ERC1: variants seen among roughly 807,000 people sequenced by gnomAD.
ERC1 encodes ELKS/RAB6-interacting/CAST family member 1.
Under a neutral mutation model 132.0 loss-of-function variants are expected in ERC1, and 56 were observed. That is an observed-to-expected ratio of 0.42 (90% CI 0.34 to 0.53). The LOEUF (loss-of-function observed/expected upper bound fraction) is 0.53. ERC1 is among the 20% of genes least tolerant of loss of function. The pLI is 0.03. For missense variants in ERC1, 1,202 were observed against 1,349.9 expected (o/e 0.89, Z 1.72); for synonymous variants, 478 against 476.1 (o/e 1.00, Z -0.05).
At chr12:1,297,889 T>A (rs1384997203) in intron 15 of ERC1, among the ~76,000 whole-genome samples, 1 of 152,128 alleles carries the variant, frequency 6.6e-6, no homozygotes, top group African/African-American at 2.4e-5. Flanking sequence ...TCCCAAAATA[T>A]TAGGAGGTAG....
chr12:1,485,534 T>G (rs2094201628), intron 18 of ERC1, among the ~76,000 whole-genome samples: 1 of 152,172 alleles, frequency 6.6e-6, no homozygotes, highest in Non-Finnish European at 1.5e-5. Context: ...TGGGTATTAT[T>G]TTTGTGTTTG....
intron 15 of ERC1, among the ~76,000 whole-genome samples, chr12:1,361,425 AT>A (rs1238697187): frequency 2.0e-5 from 3 of 152,132 alleles, no homozygotes; most frequent in East Asian, 1.9e-4. Context: ...ACATAAAAAA[AT>A]AAAAATTAAA....
rs1339203517 is a variant in ERC1 at position 1,093,979 on chromosome 12, A to ATATATATATATATATATT, written c.1086+10405_1086+10406insTATATATATATTTATATA. On this transcript the variant is annotated intron_variant, in intron 3 of 18. Transcript: ENST00000360905. ...TTTCTATATATATATATATATATAT[A>ATATATATATATATATATT]TATATAGAAAAACATAGAAAATGAA... 2.3e-5 allele frequency among the ~76,000 whole-genome samples: 3 copies of ATATATATATATATATATT among 127,698 alleles called. No homozygotes were observed. The East Asian group carries it at 6.8e-4, about 29-fold the overall frequency. The allele number at this position is 127,698 out of a possible 152,430, so 83.8% of individuals were successfully genotyped here. A position where few individuals can be genotyped will look rare whatever the true frequency, so the allele number is the denominator to read the frequency against.
rs751354720 is a variant in ERC1, at chr12:1,182,065, G to A, written c.2016G>A (p.Glu672=). 6.2e-7 allele frequency: 1 copy of A among 1,613,158 alleles called. No individual in the cohort carries two copies. Among genetic ancestry groups the A allele is most frequent in the African/African-American group, 1.3e-5 (1 of 74,782 alleles). ...SLLQGDLSEK[E]ASLLDLKEHA... ...TGCAAGGCGACCTTTCAGAGAAAGA[G>A]GTTAAGCTCCCCAAAATGGAATTAG... The change falls in exon 10 of 19, where the codon GAG becomes GAA. Residue 672 remains glutamate (E), a splice_region_variant and synonymous_variant. Transcript: ENST00000360905.
intron 15 of ERC1, among the ~76,000 whole-genome samples, chr12:1,315,471 C>G (rs1356523403): frequency 6.6e-6 from 1 of 152,064 alleles, no homozygotes; most frequent in Admixed American, 6.6e-5. Flanking sequence ...CTGCCTCAGC[C>G]TCCCAAGTAT....
chr12:1,385,408 G>A (rs12308558), intron 16 of ERC1, among the ~76,000 whole-genome samples: 6 of 151,616 alleles, frequency 4.0e-5, no homozygotes, highest in Admixed American at 3.9e-4. Flanking sequence ...TCAGCCTCCC[G>A]AGTAGCTGGG....
chr12:1,307,327 T>C (rs2080957125), intron 15 of ERC1, among the ~76,000 whole-genome samples: 1 of 152,212 alleles, frequency 6.6e-6, no homozygotes, highest in African/African-American at 2.4e-5. Context: ...GCTGCCCACT[T>C]TGTGGTGTTG....
chr12:1,273,295 C>T (rs564316461), intron 14 of ERC1, among the ~76,000 whole-genome samples: 2 of 152,150 alleles, frequency 1.3e-5, no homozygotes, highest in African/African-American at 4.8e-5. Flanking sequence ...ACATGCATTT[C>T]CTATGTACTG....
chr12:1,409,983 A>C (rs1484225374), intron 17 of ERC1, among the ~76,000 whole-genome samples: 1 of 152,170 alleles, frequency 6.6e-6, no homozygotes, highest in African/African-American at 2.4e-5. Flanking sequence ...TGCTAGGATT[A>C]CAGGTATGAG....
chr12:1,167,904 C>G (rs543419773), intron 8 of ERC1, among the ~76,000 whole-genome samples: 1 of 151,726 alleles, frequency 6.6e-6, no homozygotes, highest in Admixed American at 6.6e-5. Context: ...TTACTGCAGA[C>G]GGGGTTTCAG....
chr12:1,444,413 C>T, intron 17 of ERC1, 149 bp from the exon 18 acceptor site: 2 of 570,610 alleles, frequency 3.5e-6, no homozygotes, highest in Non-Finnish European at 6.0e-6. Flanking sequence ...TTTCTGTAAT[C>T]CTGAAGATTT....
chr12:1,408,219 A>G lies in ERC1; in HGVS notation c.2996A>G (p.Gln999Arg). 1 of 1,614,016 alleles carries G rather than the reference A, an allele frequency of 6.2e-7. No homozygotes were observed. The highest frequency in any genetic ancestry group is 8.5e-7 in the Non-Finnish European group (1 of 1,179,950). Residue 999 changes from glutamine (Q) to arginine (R), a missense_variant, in exon 17 of 19, where the codon CAA (glutamine) becomes CGA (arginine). By Grantham distance (43) the Gln-to-Arg change is conservative. Coordinates refer to ENST00000360905, the MANE Select transcript of ERC1 (RefSeq NM_178040.4). ...DDHFKSSHSN[Q>R]TNHKPSPDQI... Reference sequence around the variant, plus strand: ...CACTTCAAATCCTCCCATTCCAATCAAACAAATCACAAGCCCTCCCCAGAC... The same window carrying G: ...CACTTCAAATCCTCCCATTCCAATCGAACAAATCACAAGCCCTCCCCAGAC...
Position 1,451,443 on chromosome 12 carries a change from C to G in ERC1, c.3213+6693C>G, listed in dbSNP as rs151245770. ...GCCTGGACAACGGTGAAGCCCTTAT[C>G]TCTACAAAAATTTAAATTTAAATTT... On this transcript the variant is annotated intron_variant, in intron 18 of 18. Coordinates refer to ENST00000360905, the MANE Select transcript of ERC1 (RefSeq NM_178040.4). Among the ~76,000 whole-genome samples, 702 of 151,228 alleles carry G rather than the reference C, an allele frequency of 4.6e-3. 4 individuals carry two copies. The highest frequency in any genetic ancestry group is 0.016 in the African/African-American group (658 of 40,634).
intron 15 of ERC1, among the ~76,000 whole-genome samples, chr12:1,307,099 T>C (rs1300176451): frequency 6.6e-6 from 1 of 152,358 alleles, no homozygotes; most frequent in Non-Finnish European, 1.5e-5. Flanking sequence ...ATACCTGTTT[T>C]ACTAAAGCTC....
At chr12:1,395,280 A>C (rs574459548) in intron 16 of ERC1, among the ~76,000 whole-genome samples, 1 of 152,350 alleles carries the variant, frequency 6.6e-6, no homozygotes, top group African/African-American at 2.4e-5. Context: ...TTCATGACCA[A>C]CTTTTAGGAA....
intron 12 of ERC1, among the ~76,000 whole-genome samples, chr12:1,218,758 T>C (rs1243410413): frequency 1.3e-5 from 2 of 151,866 alleles, no homozygotes; most frequent in African/African-American, 4.8e-5. Flanking sequence ...CCTTTTGTGG[T>C]GTTTCTGATT....
intron 17 of ERC1, among the ~76,000 whole-genome samples, chr12:1,440,375 T>C (rs992388163): frequency 1.3e-5 from 2 of 150,514 alleles, no homozygotes; most frequent in African/African-American, 4.9e-5. Context: ...CGGCTAATTT[T>C]TTTTGTATTT....
chr12:1,490,127 A>G lies in ERC1; in HGVS notation c.3248A>G (p.Asn1083Ser). ...GAGTTAGAGAAAGGTGAACGGGACA[A>G]TGCAGAACTGCAGGAGTTTGCCAAC... is the stretch of plus-strand genomic sequence containing the variant. The part of the protein sequence containing the change: ...QDELEKGERD[N>S]AELQEFANAI... Residue 1083 changes from asparagine to serine, a missense_variant, in exon 19 of 19, where the codon AAT (asparagine) becomes AGT (serine). Asn to Ser is a conservative substitution (Grantham distance 46). Coordinates refer to ENST00000360905, the MANE Select transcript of ERC1 (RefSeq NM_178040.4). 6.2e-7 allele frequency: 1 copy of G among 1,614,172 alleles called. No individual in the cohort carries two copies. The highest frequency in any genetic ancestry group is 2.2e-5 in the East Asian group (1 of 44,884).
At chr12:1,303,679 G>A (rs2080598022) in intron 15 of ERC1, among the ~76,000 whole-genome samples, 2 of 151,736 alleles carry the variant, frequency 1.3e-5, no homozygotes, top group Non-Finnish European at 1.5e-5. Context: ...CTATCGGCCA[G>A]GCGTGGTGGC....
Sources: allele counts gnomAD v4.1 joint callset (sites outside exome capture counted in the v4.1 genomes callset), GRCh38; gene constraint gnomAD v4.1.1; transcripts MANE v1.5; gene names NCBI Gene and HGNC (gene_info 2026-07-23, HGNC 2026-07-21).